Variants in SUDS3 observed in about 807,000 individuals in gnomAD.
The protein encoded by SUDS3 is sin3 histone deacetylase corepressor complex component SDS3.
SUDS3 carries 23 observed loss-of-function variants against 53.5 expected under a neutral mutation model. That is an observed-to-expected ratio of 0.43 (90% CI 0.31 to 0.61). SUDS3 has a LOEUF of 0.61. SUDS3 is among the 20% of genes least tolerant of loss of function. The probability of loss-of-function intolerance (pLI) is 0.10; values close to 1 mark genes in which losing one functional copy is unlikely to be tolerated. For synonymous variants in SUDS3, 150 were observed against 148.5 expected (o/e 1.01, Z -0.08); for missense variants, 291 against 405.9 (o/e 0.72, Z 2.43).
In SUDS3 at chr12:118,417,518, T is replaced by A. The variant is rs2046411611; in HGVS notation, c.*3085T>A. 6.6e-6 allele frequency: 1 copy of A among 152,250 alleles called. No individual in the cohort carries two copies. Among genetic ancestry groups the A allele is most frequent in the African/African-American group, 2.4e-5 (1 of 41,550 alleles). 9.4% of individuals were successfully genotyped at this position (152,250 alleles called of 1,614,324 possible). A position where few individuals can be genotyped will look rare whatever the true frequency, so the allele number is the denominator to read the frequency against. ...TCTGGGAATTTGAAATCTCGGTGCTTACTGTTACACCAATTTGTCCAAAGA... is the reference window on the plus strand; with the variant it reads ...TCTGGGAATTTGAAATCTCGGTGCTAACTGTTACACCAATTTGTCCAAAGA... On this transcript the variant is annotated 3_prime_UTR_variant, in exon 12 of 12. Transcript: ENST00000543473.
intron 10 of SUDS3, among the ~76,000 whole-genome samples, chr12:118,410,588 A>AT (rs1405212520): frequency 3.4e-4 from 46 of 135,616 alleles, no homozygotes; most frequent in East Asian, 2.1e-3. Flanking sequence ...TATTTTATTT[A>AT]TTTATTTATT....
At chr12:118,386,037 G>A in intron 3 of SUDS3, 77 bp from the exon 4 acceptor site, 2 of 1,125,988 alleles carry the variant, frequency 1.8e-6, no homozygotes, top group South Asian at 1.3e-5. Flanking sequence ...GTTGATGCTA[G>A]ATAATAATTT....
At chr12:118,389,721 G>A (rs578115162) in intron 4 of SUDS3, among the ~76,000 whole-genome samples, 3 of 152,292 alleles carry the variant, frequency 2.0e-5, no homozygotes, top group South Asian at 4.1e-4. Context: ...TCGCCATGTT[G>A]GCAGGCTGGC....
chr12:118,417,574 A>G lies in SUDS3; in HGVS notation c.*3141A>G, dbSNP rs1389734253. 4 of 152,048 alleles carry G rather than the reference A, an allele frequency of 2.6e-5. No individual in the cohort carries two copies. Among genetic ancestry groups the G allele is most frequent in the African/African-American group, 9.7e-5 (4 of 41,370 alleles). 9.4% of individuals were successfully genotyped at this position (152,048 alleles called of 1,614,324 possible). Reference sequence around the variant, plus strand: ...AATCACTTTAATGCCAGAACATGGTAAATTTGCAGCCATTTCAAGCAGGTG... The same window carrying G: ...AATCACTTTAATGCCAGAACATGGTGAATTTGCAGCCATTTCAAGCAGGTG... On this transcript the variant is annotated 3_prime_UTR_variant, in exon 12 of 12. Transcript: ENST00000543473.
chr12:118,386,272 C>A, intron 4 of SUDS3, 87 bp downstream of exon 4: 1 of 1,026,010 alleles, frequency 9.7e-7, no homozygotes, highest in South Asian at 1.5e-5. Context: ...AAGAGCTATT[C>A]TCCAAAACAT....
intron 10 of SUDS3, among the ~76,000 whole-genome samples, chr12:118,408,132 C>A (rs1446196459): frequency 6.6e-6 from 1 of 152,178 alleles, no homozygotes; most frequent in East Asian, 1.9e-4. Context: ...ATCTCCTGAC[C>A]TCGTGATATA....
intron 10 of SUDS3, among the ~76,000 whole-genome samples, chr12:118,406,707 T>TAA (rs146517978): frequency 3.1e-4 from 46 of 148,288 alleles, no homozygotes; most frequent in South Asian, 6.4e-4. Flanking sequence ...TTAATTGGCC[T>TAA]AAAAAAAAAA....
At chr12:118,391,026 ACT>A (rs763142531) in intron 5 of SUDS3, 98 bp from the exon 6 acceptor site, 3 of 1,306,546 alleles carry the variant, frequency 2.3e-6, no homozygotes, top group South Asian at 1.2e-5. Context: ...TGAGGGGGAA[ACT>A]CTCACACACT....
chr12:118,388,229 T>C (rs1189375321), intron 4 of SUDS3, among the ~76,000 whole-genome samples: 1 of 152,188 alleles, frequency 6.6e-6, no homozygotes. Flanking sequence ...GCTTGTCCCT[T>C]TCCTCAGTTA....
chr12:118,390,374 G>C (rs1364370658), intron 5 of SUDS3, among the ~76,000 whole-genome samples: 1 of 152,176 alleles, frequency 6.6e-6, no homozygotes, highest in Non-Finnish European at 1.5e-5. Context: ...CTGAGTGCTG[G>C]TTCTGTGTCA....
chr12:118,401,225 A>G (rs953010539), intron 7 of SUDS3, among the ~76,000 whole-genome samples: 1 of 152,254 alleles, frequency 6.6e-6, no homozygotes, highest in Non-Finnish European at 1.5e-5. Flanking sequence ...GCAGCCCTTT[A>G]ATCATAAAAA....
At chr12:118,400,339 G>C (rs770924509) in intron 6 of SUDS3, among the ~76,000 whole-genome samples, 9 of 152,236 alleles carry the variant, frequency 5.9e-5, no homozygotes, top group Middle Eastern at 6.8e-3. Context: ...GTGACTCTGG[G>C]CTTCTTAATT....
At chr12:118,377,331 C>T (rs1342600619) in intron 1 of SUDS3, among the ~76,000 whole-genome samples, 1 of 152,116 alleles carries the variant, frequency 6.6e-6, no homozygotes, top group Non-Finnish European at 1.5e-5. Flanking sequence ...TTAAATTTGG[C>T]TTTGTCACTT....
At chr12:118,377,555 T>A (rs2046011964) in intron 1 of SUDS3, among the ~76,000 whole-genome samples, 1 of 136,686 alleles carries the variant, frequency 7.3e-6, no homozygotes, top group South Asian at 2.5e-4. Flanking sequence ...AGGGAGAGAT[T>A]TGCTTAATGG....
intron 11 of SUDS3, among the ~76,000 whole-genome samples, chr12:118,412,006 G>A (rs1006036501): frequency 1.4e-4 from 22 of 152,184 alleles, no homozygotes; most frequent in Non-Finnish European, 2.8e-4. Flanking sequence ...CGACCCACAC[G>A]CCACTTGCCT....
chr12:118,394,861 C>G (rs960968527), intron 6 of SUDS3, among the ~76,000 whole-genome samples: 4 of 151,792 alleles, frequency 2.6e-5, no homozygotes, highest in African/African-American at 7.3e-5. Context: ...CATTTTTGTA[C>G]TTTTTGTAGA....
At chr12:118,400,452 C>T (rs1328517534) in intron 6 of SUDS3, among the ~76,000 whole-genome samples, 1 of 152,210 alleles carries the variant, frequency 6.6e-6, no homozygotes, top group South Asian at 2.1e-4. Flanking sequence ...GAGGGGTGTG[C>T]ACTTAGGGCA....
At chr12:118,406,122 G>A (rs1446142976) in intron 10 of SUDS3, among the ~76,000 whole-genome samples, 1 of 152,060 alleles carries the variant, frequency 6.6e-6, no homozygotes, top group East Asian at 1.9e-4. Flanking sequence ...ATTTTGATTT[G>A]GACTAATGAT....
chr12:118,406,081 T>G (rs1483663681), intron 10 of SUDS3, among the ~76,000 whole-genome samples: 1 of 152,238 alleles, frequency 6.6e-6, no homozygotes, highest in East Asian at 1.9e-4. Context: ...TTTTAAGGCA[T>G]TCTATATCAT....
Sources: gnomAD v4.1 joint callset for allele counts (sites outside exome capture counted in the v4.1 genomes callset) on GRCh38, gnomAD v4.1.1 for gene constraint, MANE v1.5 for transcripts, NCBI Gene and HGNC (gene_info 2026-07-23, HGNC 2026-07-21) for gene names.